Variants in RUNDC3B observed in about 807,000 individuals in gnomAD.
RUNDC3B encodes RUN domain-containing protein 3B.
A neutral mutation model predicts 58.4 loss-of-function variants in RUNDC3B; 33 were observed. The ratio of observed to expected loss-of-function variants is 0.56; its 90% CI spans 0.43 to 0.75. The LOEUF (loss-of-function observed/expected upper bound fraction) is 0.75. RUNDC3B is among the 30% of genes least tolerant of loss of function. RUNDC3B has a pLI of 0.00. For synonymous variants in RUNDC3B, 193 were observed against 195.2 expected, an observed-to-expected ratio of 0.99 and a Z score of 0.10; for missense variants, 501 against 535.7, an observed-to-expected ratio of 0.94 and a Z score of 0.64.
intron 2 of RUNDC3B, among the ~76,000 whole-genome samples, chr7:87,677,113 G>T (rs1826445999): frequency 6.6e-6 from 1 of 152,106 alleles, no homozygotes; most frequent in South Asian, 2.1e-4. Context: ...TGATCCAGCA[G>T]TTCTACTTCT....
At chr7:87,634,471 C>T (rs1252188786) in intron 1 of RUNDC3B, among the ~76,000 whole-genome samples, 3 of 68,124 alleles carry the variant, frequency 4.4e-5, no homozygotes, top group Admixed American at 1.9e-4. Context: ...AAAATACAAA[C>T]AGTCAGGCGT....
chr7:87,784,079 A>T (rs1022306094), intron 8 of RUNDC3B, among the ~76,000 whole-genome samples: 1 of 152,194 alleles, frequency 6.6e-6, no homozygotes, highest in Non-Finnish European at 1.5e-5. Flanking sequence ...TTTCAGTTCC[A>T]GAAGTTCACT....
At chr7:87,723,764 A>G (rs564191229) in intron 4 of RUNDC3B, among the ~76,000 whole-genome samples, 3 of 152,284 alleles carry the variant, frequency 2.0e-5, no homozygotes, top group African/African-American at 4.8e-5. Flanking sequence ...TGTTAACCCA[A>G]ATTAATCAGT....
chr7:87,753,294 G>C (rs1224590611), intron 6 of RUNDC3B, among the ~76,000 whole-genome samples: 35 of 151,566 alleles, frequency 2.3e-4, no homozygotes, highest in East Asian at 1.4e-3. Context: ...TTACTTCCAA[G>C]TATGTGGTCA....
intron 2 of RUNDC3B, among the ~76,000 whole-genome samples, chr7:87,663,935 G>T (rs1824966158): frequency 6.6e-6 from 1 of 152,078 alleles, no homozygotes; most frequent in South Asian, 2.1e-4. Flanking sequence ...CTGGATGAAG[G>T]CCCCACCCTT....
At chr7:87,721,578 A>G (rs897835090) in intron 4 of RUNDC3B, among the ~76,000 whole-genome samples, 1 of 152,162 alleles carries the variant, frequency 6.6e-6, no homozygotes, top group Non-Finnish European at 1.5e-5. Flanking sequence ...CTACATTTGG[A>G]CTATATACCT....
intron 3 of RUNDC3B, among the ~76,000 whole-genome samples, chr7:87,707,267 C>G (rs1227597708): frequency 1.3e-5 from 2 of 152,016 alleles, no homozygotes; most frequent in Non-Finnish European, 2.9e-5. Flanking sequence ...TGAAACAAAC[C>G]TATGGGTGAT....
chr7:87,667,713 A>T (rs1825403770), intron 2 of RUNDC3B, among the ~76,000 whole-genome samples: 1 of 151,994 alleles, frequency 6.6e-6, no homozygotes, highest in Non-Finnish European at 1.5e-5. Flanking sequence ...GAATTTTATC[A>T]AAGGCCTTTT....
chr7:87,742,434 G>A (rs933738224), intron 6 of RUNDC3B, among the ~76,000 whole-genome samples: 8 of 151,974 alleles, frequency 5.3e-5, no homozygotes, highest in African/African-American at 4.8e-5. Context: ...TAGCTCCCAC[G>A]TATAAGTGAG....
At chr7:87,783,956 C>G (rs73706922) in intron 8 of RUNDC3B, among the ~76,000 whole-genome samples, 4 of 151,712 alleles carry the variant, frequency 2.6e-5, no homozygotes, top group African/African-American at 9.7e-5. Flanking sequence ...GTTGACCTGG[C>G]AAGTCTGAAG....
chr7:87,705,990 A>G (rs1585156459), intron 3 of RUNDC3B, among the ~76,000 whole-genome samples: 2 of 152,066 alleles, frequency 1.3e-5, no homozygotes, highest in Middle Eastern at 3.4e-3. Context: ...GTCTTCTTGT[A>G]TATTTTGTGA....
chr7:87,775,499 C>G lies in RUNDC3B; in HGVS notation c.799-2299C>G, dbSNP rs1480984250. 2.0e-5 allele frequency among the ~76,000 whole-genome samples: 3 copies of G among 151,942 alleles called. No homozygotes were observed. The East Asian group carries it at 5.8e-4, about 29-fold the overall frequency. On this transcript the variant is annotated intron_variant, in intron 7 of 10. Transcript: ENST00000394654. ...TAATTTTATTACTGAAGAAAGAAAACTTATAAAAATAAATTTAGTATAGCC... is the reference window on the plus strand; with the variant it reads ...TAATTTTATTACTGAAGAAAGAAAAGTTATAAAAATAAATTTAGTATAGCC...
chr7:87,767,742 A>C (rs1834049645), intron 6 of RUNDC3B, among the ~76,000 whole-genome samples: 1 of 152,088 alleles, frequency 6.6e-6, no homozygotes, highest in Non-Finnish European at 1.5e-5. Context: ...GGGGTAGTTC[A>C]TGATAGGATG....
At chr7:87,639,001 A>G (rs1029300107) in intron 1 of RUNDC3B, among the ~76,000 whole-genome samples, 1 of 152,134 alleles carries the variant, frequency 6.6e-6, no homozygotes, top group East Asian at 1.9e-4. Flanking sequence ...AAATACAAAA[A>G]ATTAGCCAGG....
chr7:87,646,285 T>C (rs1294358392), intron 1 of RUNDC3B, among the ~76,000 whole-genome samples: 1 of 152,122 alleles, frequency 6.6e-6, no homozygotes, highest in Non-Finnish European at 1.5e-5. Context: ...AGCCATGGCT[T>C]TTTCTTCCCA....
At chr7:87,819,012 C>T (rs2130956222) in intron 10 of RUNDC3B, among the ~76,000 whole-genome samples, 1 of 152,304 alleles carries the variant, frequency 6.6e-6, no homozygotes, top group East Asian at 1.9e-4. Flanking sequence ...TATGGGGAGT[C>T]TGTCCCTTGC....
chr7:87,816,078 C>T, intron 9 of RUNDC3B, 63 bp from the exon 10 acceptor site: 3 of 1,143,140 alleles, frequency 2.6e-6, no homozygotes, highest in Non-Finnish European at 3.9e-6. Context: ...CATTAAATAA[C>T]CACTCAAGAA....
Position 87,816,230 on chromosome 7 carries a change from G to C in RUNDC3B, c.1193G>C (p.Gly398Ala). Residue 398 changes from glycine to alanine, a missense_variant, in exon 10 of 11, where the codon GGA (glycine) becomes GCA (alanine). By Grantham distance (60) the Gly-to-Ala change is moderately conservative. Transcript: ENST00000394654. ...LDPGQSQEGD[G>A]KQDTLNVMSE... Reference sequence around the variant, plus strand: ...CCAGGCCAGTCACAAGAAGGAGATGGAAAACAAGACACATTAAATGTAATG... The same window carrying C: ...CCAGGCCAGTCACAAGAAGGAGATGCAAAACAAGACACATTAAATGTAATG... The C allele has an allele frequency of 6.2e-7, 1 of 1,611,676 alleles. No individual in the cohort carries two copies. The highest frequency in any genetic ancestry group is 2.2e-5 in the East Asian group (1 of 44,780).
At chr7:87,709,671 C>A (rs1199396569) in intron 3 of RUNDC3B, among the ~76,000 whole-genome samples, 1 of 152,130 alleles carries the variant, frequency 6.6e-6, no homozygotes, top group Admixed American at 6.5e-5. Context: ...GCAGACATTT[C>A]TAGAGTATGT....
Sources: allele counts gnomAD v4.1 joint callset (sites outside exome capture counted in the v4.1 genomes callset), GRCh38; gene constraint gnomAD v4.1.1; transcripts MANE v1.5; gene names NCBI Gene and HGNC (gene_info 2026-07-23, HGNC 2026-07-21).